The following ST8SIA6 variants were observed in gnomAD, a reference collection of about 807,000 sequenced individuals.
ST8SIA6 encodes ST8 alpha-N-acetyl-neuraminide alpha-2,8-sialyltransferase 6, also known as alpha-2,8-sialyltransferase 8F.
ST8SIA6 carries 39 observed loss-of-function variants against 33.6 expected under a neutral mutation model. The observed-to-expected ratio is 1.16, with a 90% CI of 0.90 to 1.52. ST8SIA6 has a LOEUF of 1.52. Ranked by LOEUF, ST8SIA6 falls within the 40% of genes most tolerant of loss-of-function variation. ST8SIA6 has a pLI of 0.00. For synonymous variants in ST8SIA6, 172 were observed against 167.2 expected (o/e 1.03, Z -0.22); for missense variants, 441 against 443.8 (o/e 0.99, Z 0.06).
At chr10:17,350,435 CCCCAGCTACTCAGAAGG>C (rs1339338907) in intron 4 of ST8SIA6, among the ~76,000 whole-genome samples, 1 of 152,102 alleles carries the variant, frequency 6.6e-6, no homozygotes, top group East Asian at 1.9e-4. Context: ...AGTGATCTAG[CCCCAGCTACTCAGAAGG>C]CTGAGGCGGG....
intron 6 of ST8SIA6, among the ~76,000 whole-genome samples, chr10:17,323,462 TG>T (rs1165792574): frequency 1.3e-5 from 2 of 148,542 alleles, no homozygotes; most frequent in Non-Finnish European, 3.0e-5. Context: ...AGTGGTGCTC[TG>T]GGCTCACTGC....
At chr10:17,437,342 A>G (rs1852301777) in intron 2 of ST8SIA6, among the ~76,000 whole-genome samples, 1 of 151,928 alleles carries the variant, frequency 6.6e-6, no homozygotes, top group Admixed American at 6.6e-5. Flanking sequence ...TTATTTTTTA[A>G]TTTTTAGTTT....
chr10:17,353,062 A>C (rs1322853573), intron 4 of ST8SIA6, among the ~76,000 whole-genome samples: 1 of 152,160 alleles, frequency 6.6e-6, no homozygotes. Flanking sequence ...AAATGAACTT[A>C]GTCTTGTATT....
intron 2 of ST8SIA6, among the ~76,000 whole-genome samples, chr10:17,451,725 A>C (rs1852917638): frequency 6.6e-6 from 1 of 152,208 alleles, no homozygotes; most frequent in Non-Finnish European, 1.5e-5. Context: ...TGAAGAAATT[A>C]CAATTTCTCT....
In ST8SIA6 at chr10:17,320,903, T is replaced by C. The variant is rs906532716; in HGVS notation, c.1172A>G (p.Gln391Arg). 6.2e-7 allele frequency: 1 copy of C among 1,614,036 alleles called. No homozygotes were observed. Among genetic ancestry groups the C allele is most frequent in the Admixed American group, 1.7e-5 (1 of 60,002 alleles). ...TTAGGCGACTTCACATTTGCTAAAT[T>C]GCAGTTTGAGGATTCCTTTCATGTG... The part of the protein sequence containing the change: ...QLHMKGILKL[Q>R]FSKCEVA The change falls in exon 8 of 8, where the codon CAA (glutamine) becomes CGA (arginine). Residue 391 changes from glutamine (Q) to arginine (R), a missense_variant. By Grantham distance (43) the Gln-to-Arg change is conservative (BLOSUM62 1). Coordinates refer to ENST00000377602, the MANE Select transcript of ST8SIA6 (RefSeq NM_001004470.3).
intron 3 of ST8SIA6, among the ~76,000 whole-genome samples, chr10:17,360,161 G>T (rs1849333623): frequency 6.6e-6 from 1 of 152,104 alleles, no homozygotes; most frequent in Admixed American, 6.5e-5. Context: ...CCAGTCCCTG[G>T]TAGATCTCTC....
chr10:17,331,290 A>G (rs1848290401), intron 5 of ST8SIA6, 118 bp downstream of exon 5: 2 of 1,285,318 alleles, frequency 1.6e-6, no homozygotes, highest in African/African-American at 3.0e-5. Flanking sequence ...CAAATTTTAT[A>G]CAACATAACA....
intron 2 of ST8SIA6, among the ~76,000 whole-genome samples, chr10:17,401,014 T>C (rs1472888432): frequency 6.6e-6 from 1 of 152,172 alleles, no homozygotes; most frequent in Non-Finnish European, 1.5e-5. Context: ...ATGACACGAT[T>C]GTATATCTAG....
intron 2 of ST8SIA6, among the ~76,000 whole-genome samples, chr10:17,442,893 A>G (rs2131739391): frequency 6.6e-6 from 1 of 152,304 alleles, no homozygotes; most frequent in African/African-American, 2.4e-5. Flanking sequence ...CACCTCCAAA[A>G]ACCTAGACAA....
At chr10:17,424,522 T>C (rs547013052) in intron 2 of ST8SIA6, among the ~76,000 whole-genome samples, 1 of 152,336 alleles carries the variant, frequency 6.6e-6, no homozygotes, top group East Asian at 1.9e-4. Flanking sequence ...GCCTGCCATC[T>C]ATTAATGTAT....
intron 3 of ST8SIA6, among the ~76,000 whole-genome samples, chr10:17,365,409 C>T (rs1336843448): frequency 2.0e-5 from 3 of 152,142 alleles, no homozygotes; most frequent in African/African-American, 4.8e-5. Context: ...TCATCCTCTT[C>T]AGTTCCAGCC....
chr10:17,423,413 C>G (rs1851839640), intron 2 of ST8SIA6, among the ~76,000 whole-genome samples: 2 of 152,164 alleles, frequency 1.3e-5, no homozygotes. Context: ...ATTTGTGTTT[C>G]CCTCCTCCAA....
chr10:17,326,026 C>G lies in ST8SIA6; in HGVS notation c.635+988G>C, dbSNP rs536477918. Among the ~76,000 whole-genome samples, 11 of 152,198 alleles carry G rather than the reference C, an allele frequency of 7.2e-5. No homozygotes were observed. In the South Asian group the frequency reaches 1.9e-3, roughly 26 times the overall value. On this transcript the variant is annotated intron_variant, in intron 6 of 7. Transcript: ENST00000377602. Reference sequence around the variant, plus strand: ...GGCTTTTTCACACTGGATACTTGAACAAAATGTGTAAACCATTCAGATATT... The same window carrying G: ...GGCTTTTTCACACTGGATACTTGAAGAAAATGTGTAAACCATTCAGATATT...
chr10:17,319,729 A>G lies in ST8SIA6; in HGVS notation c.*1149T>C, dbSNP rs1408967638. On this transcript the variant is annotated 3_prime_UTR_variant, in exon 8 of 8. Coordinates refer to ENST00000377602, the MANE Select transcript of ST8SIA6 (RefSeq NM_001004470.3). ...AACTATATGTAAGTTTTATTAAAATAGCATATAAAGTCCCCACATTGTATA... is the reference window on the plus strand; with the variant it reads ...AACTATATGTAAGTTTTATTAAAATGGCATATAAAGTCCCCACATTGTATA... 1.3e-5 allele frequency: 2 copies of G among 152,210 alleles called. No individual in the cohort carries two copies. Among genetic ancestry groups the G allele is most frequent in the Admixed American group, 1.3e-4 (2 of 15,284 alleles). 9.4% of individuals were successfully genotyped at this position (152,210 alleles called of 1,614,324 possible). A position where few individuals can be genotyped will look rare whatever the true frequency, so the allele number is the denominator to read the frequency against.
intron 4 of ST8SIA6, among the ~76,000 whole-genome samples, chr10:17,347,887 TG>T (rs893248786): frequency 3.8e-5 from 5 of 131,638 alleles, no homozygotes; most frequent in Admixed American, 3.6e-4. Flanking sequence ...ACCCGGGAGA[TG>T]GGGGTTGCAG....
intron 2 of ST8SIA6, among the ~76,000 whole-genome samples, chr10:17,402,507 T>C (rs529711303): frequency 1.3e-5 from 2 of 152,280 alleles, no homozygotes; most frequent in South Asian, 4.1e-4. Flanking sequence ...CTATTCACAA[T>C]AGCAAAGACT....
At chr10:17,357,223 T>C (rs1216712897) in intron 4 of ST8SIA6, among the ~76,000 whole-genome samples, 1 of 151,924 alleles carries the variant, frequency 6.6e-6, no homozygotes, top group African/African-American at 2.4e-5. Flanking sequence ...CCTCCTGAGT[T>C]CAAGCGATTC....
At position 17,353,515 on chromosome 10, in the gene ST8SIA6, T is replaced by C. The variant is rs1041417655; in HGVS notation, c.377+5999A>G. 5.3e-5 allele frequency among the ~76,000 whole-genome samples: 8 copies of C among 152,180 alleles called. No individual in the cohort carries two copies. The East Asian group carries it at 1.5e-3, about 29-fold the overall frequency. The stretch of plus-strand genomic sequence containing the variant: ...AATGAAAGCAAGATGGTGACTGTTA[T>C]TTTAGAAATATCAATTAATCTACAA... On this transcript the variant is annotated intron_variant, in intron 4 of 7. Transcript: ENST00000377602.
chr10:17,438,049 G>A (rs1291040853), intron 2 of ST8SIA6, among the ~76,000 whole-genome samples: 1 of 152,074 alleles, frequency 6.6e-6, no homozygotes, highest in Non-Finnish European at 1.5e-5. Context: ...GTTTCTGTAG[G>A]TTGCCTCTTT....
Sources: allele counts gnomAD v4.1 joint callset (sites outside exome capture counted in the v4.1 genomes callset), GRCh38; gene constraint gnomAD v4.1.1; transcripts MANE v1.5; gene names NCBI Gene and HGNC (gene_info 2026-07-23, HGNC 2026-07-21).